SFMBT1: variants seen among roughly 807,000 people sequenced by gnomAD.
The protein encoded by SFMBT1 is scm-like with four MBT domains protein 1.
A neutral mutation model predicts 108.7 loss-of-function variants in SFMBT1; 32 were observed. That is an observed-to-expected ratio of 0.29 (90% CI 0.22 to 0.40). The LOEUF (loss-of-function observed/expected upper bound fraction) is 0.40, where lower values mean the gene tolerates loss of function less well. SFMBT1 is among the 10% of genes least tolerant of loss of function. SFMBT1 has a pLI of 1.00. For synonymous variants in SFMBT1, 348 were observed against 369.5 expected (o/e 0.94, Z 0.67); for missense variants, 816 against 1,059.6 (o/e 0.77, Z 3.19).
intron 10 of SFMBT1, among the ~76,000 whole-genome samples, chr3:52,924,770 C>T (rs1386378568): frequency 1.3e-5 from 2 of 152,148 alleles, no homozygotes; most frequent in Non-Finnish European, 2.9e-5. Flanking sequence ...GTCTCTTTAA[C>T]AAAAGTGTTA....
In SFMBT1 at chr3:52,920,583, C is replaced by G; in HGVS notation, c.1326G>C (p.Trp442Cys). ...VESMDIFPLGWCETNGHPLST... is the reference protein window; with the variant it reads ...VESMDIFPLGCCETNGHPLST... ...TGAGGGGGTGGCCGTTGGTTTCACA[C>G]CAGCCCAAAGGAAATATATCCATGG... Residue 442 changes from tryptophan to cysteine, a missense_variant, in exon 12 of 21, where the codon TGG becomes TGC. Physicochemically the swap from Trp to Cys is radical, Grantham distance 215. Coordinates refer to ENST00000394752, the MANE Select transcript of SFMBT1 (RefSeq NM_016329.4). 1 of 1,614,056 alleles carries G rather than the reference C, an allele frequency of 6.2e-7. No homozygotes were observed. Among genetic ancestry groups the G allele is most frequent in the Non-Finnish European group, 8.5e-7 (1 of 1,179,996 alleles).
intron 1 of SFMBT1, among the ~76,000 whole-genome samples, chr3:52,998,186 CGGGCA>C (rs1057184784): frequency 6.7e-6 from 1 of 149,782 alleles, no homozygotes; most frequent in African/African-American, 2.4e-5. Flanking sequence ...GAGGCCAAGA[CGGGCA>C]GATCACGAGG....
intron 1 of SFMBT1, among the ~76,000 whole-genome samples, chr3:53,016,472 C>G (rs923972461): frequency 6.6e-6 from 1 of 152,210 alleles, no homozygotes; most frequent in Non-Finnish European, 1.5e-5. Flanking sequence ...AGTGGCTCTA[C>G]GTACTCAGTG....
Position 52,909,627 on chromosome 3 carries a change from T to C in SFMBT1, c.1906+1376A>G, listed in dbSNP as rs186273979. ...TAACAAGATCCTTCAGTGATCTGCATGCACTATAGTTTAAGAGGCACAGAT... is the reference window on the plus strand; with the variant it reads ...TAACAAGATCCTTCAGTGATCTGCACGCACTATAGTTTAAGAGGCACAGAT... On this transcript the variant is annotated intron_variant, in intron 17 of 20. Transcript: ENST00000394752. Among the ~76,000 whole-genome samples, 916 of 152,322 alleles carry C rather than the reference T, an allele frequency of 6.0e-3. 80 individuals carry two copies. In the South Asian group the frequency reaches 0.17, roughly 28 times the overall value.
intron 1 of SFMBT1, among the ~76,000 whole-genome samples, chr3:53,017,788 C>CTA (rs1348930259): frequency 6.6e-6 from 1 of 152,198 alleles, no homozygotes; most frequent in Non-Finnish European, 1.5e-5. Context: ...TTGTAAACAT[C>CTA]TATATACACC....
chr3:53,021,671 C>G (rs73079907), intron 1 of SFMBT1, among the ~76,000 whole-genome samples: 5 of 152,234 alleles, frequency 3.3e-5, no homozygotes, highest in Admixed American at 1.3e-4. Context: ...CACAAGGAAG[C>G]AGGAGTCCCC....
intron 1 of SFMBT1, among the ~76,000 whole-genome samples, chr3:53,026,837 C>G (rs112887285): frequency 3.3e-5 from 5 of 152,086 alleles, no homozygotes; most frequent in Non-Finnish European, 7.4e-5. Flanking sequence ...TTGCCCTGTC[C>G]CTGGAGAGGC....
chr3:52,982,962 T>C (rs1055557636), intron 1 of SFMBT1, among the ~76,000 whole-genome samples: 2 of 152,178 alleles, frequency 1.3e-5, no homozygotes, highest in African/African-American at 4.8e-5. Context: ...GATCCCTCTA[T>C]GATATGGCAC....
chr3:52,954,911 T>C (rs1703730710), intron 2 of SFMBT1, among the ~76,000 whole-genome samples: 1 of 151,956 alleles, frequency 6.6e-6, no homozygotes, highest in Non-Finnish European at 1.5e-5. Context: ...CTCCATACCT[T>C]ATATCCAATC....
chr3:53,023,022 GCTT>G (rs145457298), intron 1 of SFMBT1, among the ~76,000 whole-genome samples: 1 of 152,246 alleles, frequency 6.6e-6, no homozygotes, highest in African/African-American at 2.4e-5. Flanking sequence ...CTAATAAATA[GCTT>G]ATTAATAACT....
intron 1 of SFMBT1, among the ~76,000 whole-genome samples, chr3:53,034,022 ATGGCGC>A (rs1303115219): frequency 7.1e-6 from 1 of 141,122 alleles, no homozygotes; most frequent in Admixed American, 7.3e-5. Flanking sequence ...GTGAGCCGAG[ATGGCGC>A]CATTGCACTC....
intron 2 of SFMBT1, among the ~76,000 whole-genome samples, chr3:52,964,830 T>C (rs1704078412): frequency 6.6e-6 from 1 of 152,208 alleles, no homozygotes; most frequent in African/African-American, 2.4e-5. Flanking sequence ...CTCTAGAATT[T>C]GATCATCAAA....
intron 1 of SFMBT1, among the ~76,000 whole-genome samples, chr3:53,029,942 C>A (rs1260410406): frequency 1.3e-5 from 2 of 151,670 alleles, no homozygotes; most frequent in Non-Finnish European, 2.9e-5. Flanking sequence ...CACAAATACA[C>A]TAACTTAGAA....
intron 1 of SFMBT1, among the ~76,000 whole-genome samples, chr3:53,034,148 A>G (rs995433178): frequency 2.6e-5 from 4 of 152,084 alleles, no homozygotes; most frequent in African/African-American, 9.7e-5. Flanking sequence ...TTAAATACAA[A>G]GGACTTTGTT....
chr3:52,926,978 T>C (rs1014137737), intron 9 of SFMBT1, among the ~76,000 whole-genome samples: 1 of 152,212 alleles, frequency 6.6e-6, no homozygotes, highest in Non-Finnish European at 1.5e-5. Flanking sequence ...TTTTCAGTTA[T>C]GTAATCTACT....
chr3:52,922,163 G>A lies in SFMBT1; in HGVS notation c.1132-332C>T, dbSNP rs1575375130. 1.3e-5 allele frequency among the ~76,000 whole-genome samples: 2 copies of A among 152,224 alleles called. 1 individual carries two copies. Among genetic ancestry groups the A allele is most frequent in the South Asian group, 4.2e-4 (2 of 4,818 alleles). ...TCCCATCTGGCTGTGCTATTACAAG[G>A]TATCAATGAAATAGTCTCTAAGGTT... On this transcript the variant is annotated intron_variant, in intron 10 of 20. Transcript: ENST00000394752.
Position 52,943,397 on chromosome 3 carries a change from A to G in SFMBT1, c.320T>C (p.Ile107Thr), listed in dbSNP as rs1474870335. Residue 107 changes from isoleucine to threonine, a missense_variant, in exon 4 of 21, where the codon ATT becomes ACT. By Grantham distance (89) the Ile-to-Thr change is moderately conservative (BLOSUM62 -1). Around this residue, in one of 5 missense-constraint regions of SFMBT1, gnomAD observed 495 missense variants for 607.4 expected, o/e 0.81. Coordinates refer to ENST00000394752, the MANE Select transcript of SFMBT1 (RefSeq NM_016329.4). ...CDIRKADLYP[I>T]GWCEQNKKTL... is the part of the protein sequence containing the mutation. The stretch of plus-strand genomic sequence containing the variant: ...CTTCTTATTCTGCTCACACCACCCA[A>G]TGGGGTAGAGATCAGCCTTCCTGAT... The G allele has an allele frequency of 3.7e-6, 6 of 1,614,056 alleles. No homozygotes were observed. The highest frequency in any genetic ancestry group is 1.1e-5 in the South Asian group (1 of 91,096).
intron 2 of SFMBT1, among the ~76,000 whole-genome samples, chr3:52,961,485 A>T (rs749807031): frequency 3.3e-5 from 5 of 151,336 alleles, no homozygotes; most frequent in African/African-American, 4.9e-5. Flanking sequence ...CCAGGAGTTC[A>T]AGACTGTAGT....
intron 1 of SFMBT1, among the ~76,000 whole-genome samples, chr3:52,975,870 A>G (rs1034334305): frequency 2.6e-5 from 4 of 152,140 alleles, no homozygotes; most frequent in African/African-American, 9.7e-5. Context: ...CAGACTCCCA[A>G]AGTGCTGGGA....
Sources: allele counts gnomAD v4.1 joint callset (sites outside exome capture counted in the v4.1 genomes callset), GRCh38; gene constraint gnomAD v4.1.1; regional missense constraint gnomAD v4.1.1; transcripts MANE v1.5; gene names NCBI Gene and HGNC (gene_info 2026-07-23, HGNC 2026-07-21).